BICC1: variants seen among roughly 807,000 people sequenced by gnomAD.
BICC1 encodes the protein protein bicaudal C homolog 1.
BICC1 carries 43 observed loss-of-function variants against 111.0 expected under a neutral mutation model. That is an observed-to-expected ratio of 0.39 (90% CI 0.30 to 0.50). The LOEUF (loss-of-function observed/expected upper bound fraction) is 0.50. Among genes scored for constraint, BICC1 ranks in the 20% least tolerant of loss-of-function variants. BICC1 has a pLI of 0.88. For missense variants in BICC1, 1,091 were observed against 1,203.2 expected, an observed-to-expected ratio of 0.91 and a Z score of 1.38; for synonymous variants, 467 against 434.4, an observed-to-expected ratio of 1.07 and a Z score of -0.93.
intron 3 of BICC1, among the ~76,000 whole-genome samples, chr10:58,769,404 G>GTGTGTGTATA (rs1050060686): frequency 3.2e-4 from 35 of 109,744 alleles, no homozygotes; most frequent in African/African-American, 1.1e-3. Flanking sequence ...GTGTGTGTGT[G>GTGTGTGTATA]TATATATATA....
intron 3 of BICC1, among the ~76,000 whole-genome samples, chr10:58,736,307 A>C (rs1049329441): frequency 1.3e-5 from 2 of 152,218 alleles, no homozygotes; most frequent in Non-Finnish European, 1.5e-5. Context: ...GGGACACCCA[A>C]CAAATAGCTG....
chr10:58,784,107 G>A (rs566834787), intron 3 of BICC1, among the ~76,000 whole-genome samples: 1 of 152,060 alleles, frequency 6.6e-6, no homozygotes, highest in African/African-American at 2.4e-5. Context: ...TCATCTTTTT[G>A]TGTTACTCTT....
intron 1 of BICC1, among the ~76,000 whole-genome samples, chr10:58,615,739 CT>C (rs1282234628): frequency 6.6e-6 from 1 of 152,170 alleles, no homozygotes; most frequent in Non-Finnish European, 1.5e-5. Context: ...TCGGTCCCCA[CT>C]GATTCCAGGT....
chr10:58,781,733 A>G (rs1163851359), intron 3 of BICC1, among the ~76,000 whole-genome samples: 1 of 152,188 alleles, frequency 6.6e-6, no homozygotes. Context: ...TTGAATTGTA[A>G]ACTGTTAACA....
intron 18 of BICC1, 199 bp downstream of exon 18, chr10:58,814,185 G>A (rs1475668608): frequency 1.3e-5 from 9 of 673,296 alleles, no homozygotes; most frequent in South Asian, 3.6e-5. Flanking sequence ...CATTTTGTGC[G>A]TGCTTTCACT....
intron 1 of BICC1, among the ~76,000 whole-genome samples, chr10:58,563,849 G>T (rs1001778424): frequency 2.0e-5 from 3 of 152,088 alleles, no homozygotes; most frequent in African/African-American, 7.2e-5. Flanking sequence ...CTTGATAAAA[G>T]TTGCCAGTTT....
chr10:58,693,727 ATTTG>A (rs1476119510), intron 2 of BICC1, among the ~76,000 whole-genome samples: 1 of 151,902 alleles, frequency 6.6e-6, no homozygotes, highest in East Asian at 1.9e-4. Flanking sequence ...TTTCTTGTAA[ATTTG>A]TTTGAGTTCA....
At chr10:58,648,455 G>A in intron 2 of BICC1, 1 of 941,778 alleles carries the variant, frequency 1.1e-6, no homozygotes, top group Non-Finnish European at 1.3e-6. Flanking sequence ...ATTATACACA[G>A]AGTTATGTTC....
At chr10:58,795,096 A>G (rs963785479) in intron 9 of BICC1, among the ~76,000 whole-genome samples, 9 of 152,242 alleles carry the variant, frequency 5.9e-5, no homozygotes, top group Admixed American at 2.0e-4. Flanking sequence ...GGAACAAAGT[A>G]AACAAGGGAG....
chr10:58,623,045 C>T (rs1845873659), intron 2 of BICC1, among the ~76,000 whole-genome samples: 1 of 152,094 alleles, frequency 6.6e-6, no homozygotes, highest in Non-Finnish European at 1.5e-5. Flanking sequence ...CTTTTCTAAG[C>T]CTGGAAGGAT....
chr10:58,757,619 G>A (rs1272740983), intron 3 of BICC1, among the ~76,000 whole-genome samples: 6 of 152,100 alleles, frequency 3.9e-5, no homozygotes, highest in South Asian at 2.1e-4. Context: ...GGGACAGGAA[G>A]GGCACAGGTC....
chr10:58,513,374 C>CT, intron 1 of BICC1, 41 bp downstream of exon 1: 1 of 1,516,998 alleles, frequency 6.6e-7, no homozygotes. Flanking sequence ...GACTGAGCCT[C>CT]TAACTCCTTT....
At chr10:58,605,880 C>G (rs895807854) in intron 1 of BICC1, among the ~76,000 whole-genome samples, 2 of 152,164 alleles carry the variant, frequency 1.3e-5, no homozygotes, top group Non-Finnish European at 2.9e-5. Context: ...AATATACAAA[C>G]ATTTCTTTTC....
intron 3 of BICC1, among the ~76,000 whole-genome samples, chr10:58,768,242 A>G (rs777406719): frequency 1.3e-5 from 2 of 152,220 alleles, no homozygotes; most frequent in South Asian, 2.1e-4. Flanking sequence ...TAGACTATCA[A>G]TAAGACTATC....
intron 1 of BICC1, among the ~76,000 whole-genome samples, chr10:58,605,013 T>C (rs1030561727): frequency 2.6e-5 from 4 of 152,154 alleles, no homozygotes; most frequent in African/African-American, 9.7e-5. Context: ...ACCACCCTCA[T>C]GACCTAATGA....
At chr10:58,662,536 G>T (rs959117314) in intron 2 of BICC1, among the ~76,000 whole-genome samples, 1 of 152,078 alleles carries the variant, frequency 6.6e-6, no homozygotes, top group South Asian at 2.1e-4. Context: ...TGAATGTTGC[G>T]AAAGCTCTCG....
chr10:58,789,819 G>T lies in BICC1; in HGVS notation c.933G>T (p.Met311Ile). Residue 311 changes from methionine to isoleucine, a missense_variant, in exon 8 of 21, where the codon ATG becomes ATT. Transcript: ENST00000373886. ...GRNGSNIKHI[M>I]QRTGAQIHFP... ...ATGGGAGCAACATCAAACATATCAT[G>T]CAGAGAACAGGTGCTCAGATCCACT... 6.2e-7 allele frequency: 1 copy of T among 1,614,096 alleles called. No individual in the cohort carries two copies. Among genetic ancestry groups the T allele is most frequent in the South Asian group, 1.1e-5 (1 of 91,076 alleles).
chr10:58,641,195 C>T (rs1838111440), intron 2 of BICC1, among the ~76,000 whole-genome samples: 1 of 152,070 alleles, frequency 6.6e-6, no homozygotes, highest in Admixed American at 6.5e-5. Flanking sequence ...ATAGAGCAAC[C>T]ACAGGGGTTG....
At chr10:58,553,460 A>G (rs1458314015) in intron 1 of BICC1, among the ~76,000 whole-genome samples, 4 of 152,160 alleles carry the variant, frequency 2.6e-5, no homozygotes, top group African/African-American at 9.6e-5. Flanking sequence ...ATTATCCTCT[A>G]GAGTTTCCAG....
Sources: gnomAD v4.1 joint callset for allele counts (sites outside exome capture counted in the v4.1 genomes callset) on GRCh38, gnomAD v4.1.1 for gene constraint, MANE v1.5 for transcripts, NCBI Gene and HGNC (gene_info 2026-07-23, HGNC 2026-07-21) for gene names.